TCF7L2: variants seen among roughly 807,000 people sequenced by gnomAD.
The protein encoded by TCF7L2 is transcription factor 7-like 2.
A neutral mutation model predicts 77.9 loss-of-function variants in TCF7L2; 23 were observed. The observed-to-expected ratio is 0.30, with a 90% CI of 0.21 to 0.42. The LOEUF is 0.42. TCF7L2 is among the 10% of genes least tolerant of loss of function. TCF7L2 has a pLI of 1.00. For synonymous variants in TCF7L2, 413 were observed against 340.2 expected (o/e 1.21, Z -2.36); for missense variants, 654 against 793.1 (o/e 0.82, Z 2.11).
At chr10:112,955,091 C>T (rs1264013550) in intron 3 of TCF7L2, among the ~76,000 whole-genome samples, 6 of 151,894 alleles carry the variant, frequency 4.0e-5, no homozygotes, top group African/African-American at 7.3e-5. Context: ...CCCAGTTGTC[C>T]TCCCACCCCC....
Position 112,950,782 on chromosome 10 carries a change from G to C in TCF7L2, c.26G>C (p.Gly9Ala). The C allele has an allele frequency of 6.3e-7, 1 of 1,582,182 alleles. No individual in the cohort carries two copies. Among genetic ancestry groups the C allele is most frequent in the Non-Finnish European group, 8.6e-7 (1 of 1,162,318 alleles). The change falls in exon 1 of 14, where the codon GGG (glycine) becomes GCG (alanine). Residue 9 changes from glycine to alanine, a missense_variant. Coordinates refer to ENST00000627217, the MANE Select transcript of TCF7L2 (RefSeq NM_001146274.2). ...ATGCCGCAGCTGAACGGCGGTGGAG[G>C]GGATGACCTAGGCGCCAACGACGAA...
intron 4 of TCF7L2, among the ~76,000 whole-genome samples, chr10:112,992,590 G>A (rs1047761181): frequency 1.3e-5 from 2 of 152,048 alleles, no homozygotes; most frequent in Non-Finnish European, 2.9e-5. Context: ...CCAAGTGCCC[G>A]GAGCTCCTGG....
chr10:113,142,567 G>T (rs2068564954), intron 6 of TCF7L2, among the ~76,000 whole-genome samples: 1 of 152,204 alleles, frequency 6.6e-6, no homozygotes, highest in African/African-American at 2.4e-5. Flanking sequence ...GGGATTGGTA[G>T]TGTTGGGGTA....
At chr10:113,158,599 G>T in intron 12 of TCF7L2, 68 bp from the exon 13 acceptor site, 1 of 1,534,766 alleles carries the variant, frequency 6.5e-7, no homozygotes, top group Non-Finnish European at 9.0e-7. Flanking sequence ...CTTGGAGAAG[G>T]CCAGGCTTTT....
At chr10:113,106,628 A>G (rs1291718257) in intron 5 of TCF7L2, among the ~76,000 whole-genome samples, 2 of 152,186 alleles carry the variant, frequency 1.3e-5, no homozygotes, top group African/African-American at 2.4e-5. Flanking sequence ...CATCTCTGCT[A>G]AAGGTTAACG....
chr10:113,007,861 A>G (rs1016821870), intron 4 of TCF7L2, among the ~76,000 whole-genome samples: 2 of 152,132 alleles, frequency 1.3e-5, no homozygotes, highest in Non-Finnish European at 2.9e-5. Flanking sequence ...GGGACTTGCT[A>G]TCTGCCTGCC....
intron 8 of TCF7L2, among the ~76,000 whole-genome samples, chr10:113,149,867 T>C (rs570882239): frequency 6.6e-6 from 1 of 152,350 alleles, no homozygotes; most frequent in East Asian, 1.9e-4. Flanking sequence ...TATTGTTTAC[T>C]TTTGGGATTC....
At chr10:112,978,845 A>G (rs762315074) in intron 4 of TCF7L2, among the ~76,000 whole-genome samples, 22 of 151,968 alleles carry the variant, frequency 1.4e-4, no homozygotes, top group Non-Finnish European at 2.8e-4. Context: ...ATATATTTTT[A>G]TTATACTTTA....
chr10:112,967,840 G>A (rs941592974), intron 4 of TCF7L2, among the ~76,000 whole-genome samples: 2 of 152,052 alleles, frequency 1.3e-5, no homozygotes, highest in Non-Finnish European at 1.5e-5. Context: ...TCTCCATGTT[G>A]GTCAGGCTGG....
chr10:113,013,527 T>C (rs143571321), intron 4 of TCF7L2, among the ~76,000 whole-genome samples: 3 of 152,222 alleles, frequency 2.0e-5, no homozygotes, highest in Non-Finnish European at 1.5e-5. Context: ...CCTAAAAAGA[T>C]GGGATATTTT....
At chr10:112,951,707 C>T (rs2134214674) in intron 3 of TCF7L2, 100 bp downstream of exon 3, 1 of 562,262 alleles carries the variant, frequency 1.8e-6, no homozygotes, top group East Asian at 1.3e-4. Flanking sequence ...CCCGCCTCCC[C>T]CTCCCCGCCT....
intron 5 of TCF7L2, among the ~76,000 whole-genome samples, chr10:113,091,457 G>C (rs143273715): frequency 0.015 from 2,339 of 152,262 alleles, 65 homozygotes; most frequent in African/African-American, 0.054. Context: ...ATGTGGCTGG[G>C]TGCAGTGGCT....
chr10:113,134,543 C>T (rs1820182907), intron 5 of TCF7L2, among the ~76,000 whole-genome samples: 2 of 152,190 alleles, frequency 1.3e-5, no homozygotes, highest in African/African-American at 4.8e-5. Context: ...AGTTGAGTTG[C>T]CAAAGGGTAG....
intron 5 of TCF7L2, among the ~76,000 whole-genome samples, chr10:113,076,135 CAAAAAAAAAAA>C (rs34089010): frequency 1.5e-5 from 1 of 65,984 alleles, no homozygotes; most frequent in African/African-American, 6.0e-5. Context: ...GACTCCATCT[CAAAAAAAAAAA>C]AAAAAAAAAA....
intron 5 of TCF7L2, among the ~76,000 whole-genome samples, chr10:113,050,451 C>G (rs1483012789): frequency 6.6e-6 from 1 of 152,096 alleles, no homozygotes; most frequent in Non-Finnish European, 1.5e-5. Context: ...AGACCCAACT[C>G]AAGAACACAC....
rs2074003586 is a variant in TCF7L2, at chr10:113,165,718, C to T, written c.1555C>T (p.Leu519=). The change falls in exon 14 of 14, where the codon CTG becomes TTG. Residue 519 remains leucine (L), a synonymous_variant. Transcript: ENST00000627217. ...GACTGAGCAGACCCAGCCTCTGTCGCTGTCCCTGAAGCCCGACCCCCTGGC... is the reference window on the plus strand; with the variant it reads ...GACTGAGCAGACCCAGCCTCTGTCGTTGTCCCTGAAGCCCGACCCCCTGGC... The T allele has an allele frequency of 1.2e-6, 2 of 1,612,866 alleles. No individual in the cohort carries two copies. Among genetic ancestry groups the T allele is most frequent in the African/African-American group, 1.3e-5 (1 of 74,632 alleles).
intron 4 of TCF7L2, among the ~76,000 whole-genome samples, chr10:113,016,646 G>T (rs942742462): frequency 1.3e-5 from 2 of 152,190 alleles, no homozygotes; most frequent in South Asian, 2.1e-4. Context: ...AGCTGACTTC[G>T]ACTGGAATTG....
intron 5 of TCF7L2, among the ~76,000 whole-genome samples, chr10:113,079,512 T>C (rs2135422628): frequency 6.6e-6 from 1 of 152,308 alleles, no homozygotes; most frequent in South Asian, 2.1e-4. Context: ...TGGCTGCACA[T>C]GTTAGACATA....
intron 3 of TCF7L2, among the ~76,000 whole-genome samples, chr10:112,961,573 G>GTGA (rs1236517252): frequency 5.9e-5 from 9 of 152,334 alleles, no homozygotes; most frequent in South Asian, 2.1e-4. Context: ...GGAAAAAGCA[G>GTGA]TGAAAGTATG....
Sources: gnomAD v4.1 joint callset for allele counts (sites outside exome capture counted in the v4.1 genomes callset) on GRCh38, gnomAD v4.1.1 for gene constraint, MANE v1.5 for transcripts, NCBI Gene and HGNC (gene_info 2026-07-23, HGNC 2026-07-21) for gene names.